The following ZNF395 variants were observed in gnomAD, a reference collection of about 807,000 sequenced individuals.
ZNF395 encodes zinc finger protein 395.
In ZNF395, 20 loss-of-function variants were observed where a neutral mutation model predicts 57.7. The ratio of observed to expected loss-of-function variants is 0.35; its 90% CI spans 0.24 to 0.50. The LOEUF is 0.50. Ranked by LOEUF, ZNF395 falls within the 20% of genes least tolerant of loss-of-function variation. ZNF395 has a pLI of 0.97. For missense variants in ZNF395, 606 were observed against 671.2 expected, an observed-to-expected ratio of 0.90 and a Z score of 1.07; for synonymous variants, 295 against 275.9, an observed-to-expected ratio of 1.07 and a Z score of -0.69.
chr8:28,355,381 A>G (rs916682785), intron 4 of ZNF395, among the ~76,000 whole-genome samples: 3 of 152,106 alleles, frequency 2.0e-5, no homozygotes, highest in South Asian at 2.1e-4. Context: ...GAAGCCTTAT[A>G]TTTCCACTGA....
chr8:28,355,465 AG>A (rs993311811), intron 4 of ZNF395, among the ~76,000 whole-genome samples: 1 of 151,336 alleles, frequency 6.6e-6, no homozygotes, highest in African/African-American at 2.4e-5. Context: ...TTTTTTACAA[AG>A]GGACTTAAAA....
At chr8:28,371,622 T>C (rs1000748903) in intron 1 of ZNF395, among the ~76,000 whole-genome samples, 2 of 152,190 alleles carry the variant, frequency 1.3e-5, no homozygotes, top group Non-Finnish European at 2.9e-5. Context: ...GGTTGTGGCA[T>C]GGAACGGGAA....
At chr8:28,358,578 G>T (rs963400639) in intron 3 of ZNF395, among the ~76,000 whole-genome samples, 2 of 151,900 alleles carry the variant, frequency 1.3e-5, no homozygotes, top group Admixed American at 1.3e-4. Flanking sequence ...TGGGACTACA[G>T]GCAAAAGCCA....
At position 28,352,044 on chromosome 8, in the gene ZNF395, A is replaced by G. The variant is rs1801720885; in HGVS notation, c.921-237T>C. ...TCATTCTCTCCCGGAACATGTGCCA[A>G]CCTCTCCTCTGGCAGGAGGCATCCC... is the stretch of plus-strand genomic sequence containing the variant. On this transcript the variant is annotated intron_variant, in intron 6 of 9. Transcript: ENST00000344423. This position sits in a 1 kb window ranked among gnomAD's most constrained non-coding sequence, Gnocchi z 4.0. Among the ~76,000 whole-genome samples, 1 of 151,982 alleles carries G rather than the reference A, an allele frequency of 6.6e-6. No individual in the cohort carries two copies. Among genetic ancestry groups the G allele is most frequent in the South Asian group, 2.1e-4 (1 of 4,818 alleles).
intron 1 of ZNF395, among the ~76,000 whole-genome samples, chr8:28,379,059 C>T (rs1802079465): frequency 6.6e-6 from 1 of 152,184 alleles, no homozygotes; most frequent in African/African-American, 2.4e-5. Context: ...AATAAAGTGA[C>T]TGTTTCATCT....
At chr8:28,374,255 A>C (rs997869522) in intron 1 of ZNF395, among the ~76,000 whole-genome samples, 2 of 152,190 alleles carry the variant, frequency 1.3e-5, no homozygotes, top group African/African-American at 4.8e-5. Context: ...TCCACAGCCA[A>C]TGCACTTAAC....
chr8:28,381,850 G>A (rs934239352), intron 1 of ZNF395, among the ~76,000 whole-genome samples: 5 of 152,156 alleles, frequency 3.3e-5, no homozygotes, highest in African/African-American at 1.2e-4. Context: ...TTACTACGGA[G>A]AACACAGGTC....
intron 1 of ZNF395, among the ~76,000 whole-genome samples, chr8:28,371,740 T>C (rs1801978794): frequency 6.6e-6 from 1 of 152,100 alleles, no homozygotes; most frequent in Non-Finnish European, 1.5e-5. Flanking sequence ...GCACAAACAG[T>C]CAGGGCTGCC....
At chr8:28,363,938 C>G (rs1478268788) in intron 1 of ZNF395, among the ~76,000 whole-genome samples, 1 of 152,192 alleles carries the variant, frequency 6.6e-6, no homozygotes, top group Non-Finnish European at 1.5e-5. Context: ...TGTCCCCTTT[C>G]TCCTTTAACT....
intron 1 of ZNF395, among the ~76,000 whole-genome samples, chr8:28,381,191 A>G (rs1462867985): frequency 6.6e-6 from 1 of 151,936 alleles, no homozygotes; most frequent in Non-Finnish European, 1.5e-5. Context: ...ACAGGCGCCC[A>G]CCACCACGCC....
At chr8:28,380,449 TTC>T (rs1289380818) in intron 1 of ZNF395, among the ~76,000 whole-genome samples, 1 of 152,226 alleles carries the variant, frequency 6.6e-6, no homozygotes, top group Non-Finnish European at 1.5e-5. Flanking sequence ...TGAGCGCGCC[TTC>T]TCTGTCTTCA....
rs1182988095 is a variant in ZNF395 at position 28,351,661 on chromosome 8, G to A, written c.1067C>T (p.Thr356Ile). Reference protein sequence around the residue: ...PGTPTSEPAPTPSMTGLPLSA... With the variant: ...PGTPTSEPAPIPSMTGLPLSA... Reference sequence around the variant, plus strand: ...CAGAGGCAGGCCAGTCATGCTGGGGGTGGGAGCTGGCTCGGAGGTGGGAGT... The same window carrying A: ...CAGAGGCAGGCCAGTCATGCTGGGGATGGGAGCTGGCTCGGAGGTGGGAGT... The change falls in exon 7 of 10, where the codon ACC becomes ATC. Residue 356 changes from threonine (T) to isoleucine (I), a missense_variant. Around this residue, in one of 3 missense-constraint regions of ZNF395, gnomAD observed 261 missense variants for 240.3 expected, o/e 1.09. Coordinates refer to ENST00000344423, the MANE Select transcript of ZNF395 (RefSeq NM_018660.3). The A allele has an allele frequency of 1.9e-6, 3 of 1,613,188 alleles. No individual in the cohort carries two copies. Among genetic ancestry groups the A allele is most frequent in the African/African-American group, 2.7e-5 (2 of 75,066 alleles).
chr8:28,356,634 C>T lies in ZNF395; in HGVS notation c.583+36G>A, dbSNP rs765020463. Reference sequence around the variant, plus strand: ...AGAGGATGTTTGTCGTGGGCCTCTACCATGCCCAGAACCCAGCTGGGCCCC... The same window carrying T: ...AGAGGATGTTTGTCGTGGGCCTCTATCATGCCCAGAACCCAGCTGGGCCCC... On this transcript the variant is annotated intron_variant, in intron 4 of 9. Transcript: ENST00000344423. This position sits in a 1 kb window ranked among gnomAD's most constrained non-coding sequence, Gnocchi z 4.0. 2 of 1,541,520 alleles carry T rather than the reference C, an allele frequency of 1.3e-6. No individual in the cohort carries two copies. The highest frequency in any genetic ancestry group is 1.7e-5 in the Admixed American group (1 of 58,986).
intron 8 of ZNF395, among the ~76,000 whole-genome samples, 166 bp downstream of exon 8, chr8:28,349,898 A>AG (rs1174931107): frequency 6.6e-6 from 1 of 152,162 alleles, no homozygotes; most frequent in Non-Finnish European, 1.5e-5. Context: ...AGTGCCAGGG[A>AG]GGGGGCAGCA....
intron 1 of ZNF395, among the ~76,000 whole-genome samples, chr8:28,371,704 C>T (rs963968822): frequency 1.3e-5 from 2 of 152,308 alleles, no homozygotes; most frequent in East Asian, 1.9e-4. Context: ...TCTTATTTCA[C>T]CCTTTACAAA....
In ZNF395 at chr8:28,359,906, G is replaced by A; in HGVS notation, c.241-82C>T. 6.6e-7 allele frequency: 1 copy of A among 1,513,372 alleles called. No homozygotes were observed. Among genetic ancestry groups the A allele is most frequent in the Non-Finnish European group, 8.9e-7 (1 of 1,126,420 alleles). 93.7% of individuals were successfully genotyped at this position (1,513,372 alleles called of 1,614,324 possible). On this transcript the variant is annotated intron_variant, in intron 2 of 9. Transcript: ENST00000344423. This position sits in a 1 kb window ranked among gnomAD's most constrained non-coding sequence, Gnocchi z 4.7. ...TTCTCATGCACCCCACGTCCCAGGA[G>A]CCAGGATCTGCCTGCCACAAACCAT...
chr8:28,382,456 C>T (rs550548451), intron 1 of ZNF395, among the ~76,000 whole-genome samples: 2 of 152,226 alleles, frequency 1.3e-5, no homozygotes, highest in East Asian at 1.9e-4. Flanking sequence ...ATAGACTTTA[C>T]ACTTTCCTAA....
intron 1 of ZNF395, among the ~76,000 whole-genome samples, chr8:28,376,870 G>A (rs1337693991): frequency 6.6e-6 from 1 of 152,148 alleles, no homozygotes; most frequent in Non-Finnish European, 1.5e-5. Context: ...TGTTAAGTCA[G>A]CGCACCCCAA....
At chr8:28,360,734 C>T (rs1801837501) in intron 2 of ZNF395, 151 bp downstream of exon 2, 5 of 1,105,314 alleles carry the variant, frequency 4.5e-6, no homozygotes, top group African/African-American at 1.6e-5. Flanking sequence ...TTCTCTTGGG[C>T]GATCTGCTGC....
Sources: allele counts gnomAD v4.1 joint callset (sites outside exome capture counted in the v4.1 genomes callset), GRCh38; gene constraint gnomAD v4.1.1; regional missense constraint gnomAD v4.1.1; non-coding constraint Gnocchi (gnomAD v3.1); transcripts MANE v1.5; gene names NCBI Gene and HGNC (gene_info 2026-07-23, HGNC 2026-07-21).